F8: variants seen among roughly 807,000 people sequenced by gnomAD.
The protein encoded by F8 is coagulation factor VIII, also known as antihemophilic factor.
A neutral mutation model predicts 140.6 loss-of-function variants in F8; 12 were observed. The ratio of observed to expected loss-of-function variants is 0.09; its 90% confidence interval spans 0.05 to 0.14. The LOEUF is 0.14. Among genes scored for constraint, F8 ranks in the 10% least tolerant of loss-of-function variants. The probability of loss-of-function intolerance (pLI) is 1.00; values close to 1 mark genes in which losing one functional copy is unlikely to be tolerated. For missense variants in F8, 1,354 were observed against 1,720.7 expected (o/e 0.79, Z 3.77); for synonymous variants, 585 against 614.6 (o/e 0.95, Z 0.71).
chrX:155,017,995 G>A (rs1368877796), intron 1 of F8, among the ~76,000 whole-genome samples: 1 of 110,407 alleles, frequency 9.1e-6, no homozygotes, highest in Non-Finnish European at 1.9e-5. Context: ...CTCCTCAGTA[G>A]CTGGGATTAC....
intron 14 of F8, among the ~76,000 whole-genome samples, chrX:154,924,175 C>T (rs1557277803): frequency 9.0e-6 from 1 of 111,179 alleles, no homozygotes; most frequent in African/African-American, 3.3e-5. Context: ...AGTGTGAGAA[C>T]AGACTAATAC....
chrX:154,891,032 AAC>A (rs782409732), intron 22 of F8, among the ~76,000 whole-genome samples: 106 of 113,211 alleles, frequency 9.4e-4, no homozygotes, highest in Middle Eastern at 4.6e-3. Flanking sequence ...TTAAATAACT[AAC>A]ACACTATGAC....
intron 1 of F8, among the ~76,000 whole-genome samples, chrX:155,013,871 G>T (rs1213374368): frequency 9.0e-6 from 1 of 111,532 alleles, no homozygotes. Flanking sequence ...CTCAGTGCAT[G>T]AGTGTAGAGA....
At chrX:154,984,973 T>C (rs2073551255) in intron 5 of F8, among the ~76,000 whole-genome samples, 170 bp from the exon 6 acceptor site, 1 of 111,481 alleles carries the variant, frequency 9.0e-6, no homozygotes, top group Admixed American at 9.5e-5. Flanking sequence ...AGGGAGAAGA[T>C]AATTATGTAA....
rs367621696 is a variant in F8 at position 154,850,121 on chromosome X, AT to A, written c.6900+10310del. Reference sequence around the variant, plus strand: ...TGTGTGTGTGTGTGTGTGTGTGTGTATTTTTTTTTTGTCTGTTTGTTTTTTG... The same window carrying A: ...TGTGTGTGTGTGTGTGTGTGTGTGTATTTTTTTTTGTCTGTTTGTTTTTTG... On this transcript the variant is annotated intron_variant, in intron 25 of 25. Transcript: ENST00000360256. 3.2e-4 allele frequency among the ~76,000 whole-genome samples: 21 copies of A among 66,481 alleles called. 1 individual carries two copies. The South Asian group carries it at 0.011, about 35-fold the overall frequency. The allele number at this position is 66,481 out of a possible 115,157, so 57.7% of individuals were successfully genotyped here. A position where few individuals can be genotyped will look rare whatever the true frequency, so the allele number is the denominator to read the frequency against.
intron 14 of F8, chrX:154,919,554 C>G: frequency 1.4e-6 from 1 of 723,947 alleles, no homozygotes; most frequent in Non-Finnish European, 1.9e-6. Flanking sequence ...ATCACTCAAT[C>G]CTGGCAGACT....
chrX:154,859,274 T>C (rs1294620442), intron 25 of F8, among the ~76,000 whole-genome samples: 2 of 110,913 alleles, frequency 1.8e-5, no homozygotes, highest in Non-Finnish European at 3.8e-5. Context: ...TCTATCCTTT[T>C]ATGTCTGGCC....
chrX:154,975,988 C>T (rs1164422309), intron 6 of F8, among the ~76,000 whole-genome samples: 4 of 111,535 alleles, frequency 3.6e-5, no homozygotes, highest in Non-Finnish European at 7.5e-5. Flanking sequence ...CTCCGCCTCC[C>T]GGGTTCATGC....
intron 25 of F8, among the ~76,000 whole-genome samples, chrX:154,840,964 T>C (rs2072515182): frequency 8.9e-6 from 1 of 112,042 alleles, no homozygotes; most frequent in Non-Finnish European, 1.9e-5. Context: ...CTGCTTCATA[T>C]GCTATTTTCT....
intron 22 of F8, among the ~76,000 whole-genome samples, chrX:154,879,462 A>G (rs782046848): frequency 4.4e-5 from 5 of 112,667 alleles, no homozygotes; most frequent in Non-Finnish European, 9.4e-5. Flanking sequence ...CATATGCATA[A>G]AAGTACTTAA....
chrX:154,854,970 A>G (rs1402013599), intron 25 of F8, among the ~76,000 whole-genome samples: 3 of 111,018 alleles, frequency 2.7e-5, no homozygotes, highest in Non-Finnish European at 5.7e-5. Context: ...TGTCTCTACT[A>G]AAAACACAAA....
At chrX:154,970,588 C>T (rs192598531) in intron 6 of F8, among the ~76,000 whole-genome samples, 1 of 111,770 alleles carries the variant, frequency 8.9e-6, no homozygotes, top group African/African-American at 3.3e-5. Flanking sequence ...GTAGTATCCG[C>T]CAGCCTAAAA....
chrX:154,844,717 T>C (rs1487170381), intron 25 of F8, among the ~76,000 whole-genome samples: 9 of 111,859 alleles, frequency 8.0e-5, no homozygotes, highest in Non-Finnish European at 1.5e-4. Flanking sequence ...TTTCTAGATA[T>C]ACAATCATGT....
chrX:154,944,245 G>C (rs1294009687), intron 13 of F8, among the ~76,000 whole-genome samples: 9 of 108,467 alleles, frequency 8.3e-5, no homozygotes, highest in Non-Finnish European at 1.7e-4. Flanking sequence ...CTACAAAATG[G>C]GAGAAAATTT....
In F8 at chrX:154,844,645, T is replaced by A. The variant is rs1300382283; in HGVS notation, c.6901-6893A>T. ...GTGATTTTTGCACATTGATTTTGTA[T>A]CCTGAGACTTTGCTGAAGTTGCTTA... is the stretch of plus-strand genomic sequence containing the variant. On this transcript the variant is annotated intron_variant, in intron 25 of 25. Coordinates refer to ENST00000360256, the MANE Select transcript of F8 (RefSeq NM_000132.4). Among the ~76,000 whole-genome samples, 3 of 111,693 alleles carry A rather than the reference T, an allele frequency of 2.7e-5. No homozygotes were observed. The East Asian group carries it at 8.3e-4, about 31-fold the overall frequency.
Position 154,982,240 on chromosome X carries a change from G to T in F8, c.787+2447C>A, listed in dbSNP as rs1367615848. Among the ~76,000 whole-genome samples the T allele has an allele frequency of 6.6e-5, 7 of 106,140 alleles. No individual in the cohort carries two copies. The Admixed American group carries it at 7.1e-4, about 11-fold the overall frequency. 92.2% of individuals were successfully genotyped at this position (106,140 alleles called of 115,157 possible). A position where few individuals can be genotyped will look rare whatever the true frequency, so the allele number is the denominator to read the frequency against. On this transcript the variant is annotated intron_variant, in intron 6 of 25. Coordinates refer to ENST00000360256, the MANE Select transcript of F8 (RefSeq NM_000132.4). ...AGGCGGGTGGATCACGAGGTCAGGA[G>T]ATCGAGACCATCCTGGCTAACACAA... is the stretch of plus-strand genomic sequence containing the variant.
chrX:154,964,175 A>G (rs909069405), intron 9 of F8, among the ~76,000 whole-genome samples: 2 of 111,937 alleles, frequency 1.8e-5, no homozygotes, highest in Non-Finnish European at 3.8e-5. Context: ...TGTCTGTCAG[A>G]CTATGGGGTT....
intron 1 of F8, among the ~76,000 whole-genome samples, chrX:155,002,223 A>G (rs1235687444): frequency 3.6e-5 from 4 of 112,647 alleles, no homozygotes; most frequent in Non-Finnish European, 1.9e-5. Flanking sequence ...TTATCCATTC[A>G]TCTGTCAATA....
intron 10 of F8, among the ~76,000 whole-genome samples, 162 bp from the exon 11 acceptor site, chrX:154,957,333 C>CA (rs1457032844): frequency 8.9e-6 from 1 of 111,794 alleles, no homozygotes; most frequent in Non-Finnish European, 1.9e-5. Flanking sequence ...AAGATTCAAA[C>CA]AATTTTTTTA....
Sources: allele counts gnomAD v4.1 joint callset (sites outside exome capture counted in the v4.1 genomes callset), GRCh38; gene constraint gnomAD v4.1.1; transcripts MANE v1.5; gene names NCBI Gene and HGNC (gene_info 2026-07-23, HGNC 2026-07-21).